The following DCAF17 variants were observed in gnomAD, a reference collection of about 807,000 sequenced individuals.
DCAF17 encodes the protein DDB1- and CUL4-associated factor 17.
In DCAF17, 48 loss-of-function variants were observed where a neutral mutation model predicts 66.0. The ratio of observed to expected loss-of-function variants is 0.73; its 90% CI spans 0.58 to 0.92. The LOEUF (loss-of-function observed/expected upper bound fraction) is 0.92. Among genes scored for constraint, DCAF17 ranks in the 40% least tolerant of loss-of-function variants. The pLI is 0.00. For synonymous variants in DCAF17, 206 were observed against 214.6 expected (o/e 0.96, Z 0.35); for missense variants, 562 against 622.8 (o/e 0.90, Z 1.04).
intron 3 of DCAF17, among the ~76,000 whole-genome samples, chr2:171,448,124 A>G (rs536066406): frequency 1.3e-5 from 2 of 152,270 alleles, no homozygotes; most frequent in Admixed American, 1.3e-4. Context: ...ATGAATGTCT[A>G]TTCTAGCAGA....
chr2:171,472,307 G>A (rs1315038363), intron 9 of DCAF17, among the ~76,000 whole-genome samples: 1 of 152,036 alleles, frequency 6.6e-6, no homozygotes, highest in Non-Finnish European at 1.5e-5. Context: ...AGCCTCCTGA[G>A]TAGCTGGGAT....
intron 2 of DCAF17, among the ~76,000 whole-genome samples, chr2:171,439,337 T>C (rs372408217): frequency 6.6e-6 from 1 of 152,038 alleles, no homozygotes; most frequent in African/African-American, 2.4e-5. Context: ...GAATATTCTG[T>C]TCTACTTTTT....
chr2:171,475,860 A>T (rs1696475509), intron 10 of DCAF17, among the ~76,000 whole-genome samples: 1 of 152,248 alleles, frequency 6.6e-6, no homozygotes, highest in South Asian at 2.1e-4. Flanking sequence ...TATAAGGAAG[A>T]TGAAAGGATT....
At position 171,468,051 on chromosome 2, in the gene DCAF17, G is replaced by A. The variant is rs917997086; in HGVS notation, c.839-837G>A. Among the ~76,000 whole-genome samples, 17 of 152,234 alleles carry A rather than the reference G, an allele frequency of 1.1e-4. 1 individual carries two copies. In the East Asian group the frequency reaches 3.3e-3, roughly 29 times the overall value. On this transcript the variant is annotated intron_variant, in intron 8 of 13. Coordinates refer to ENST00000375255, the MANE Select transcript of DCAF17 (RefSeq NM_025000.4). ...GCCACCTGCCCAAACAGACCATGTG[G>A]TGTTTCCTAAAGGCTGCTTGAAATG...
At chr2:171,471,880 T>G (rs568412550) in intron 9 of DCAF17, among the ~76,000 whole-genome samples, 1 of 152,006 alleles carries the variant, frequency 6.6e-6, no homozygotes, top group South Asian at 2.1e-4. Flanking sequence ...CCAAGTGTGG[T>G]GGTGCACACC....
rs1435646440 is a variant in DCAF17 at position 171,435,117 on chromosome 2, A to G, written c.161A>G (p.His54Arg). 1 of 1,613,108 alleles carries G rather than the reference A, an allele frequency of 6.2e-7. No homozygotes were observed. The highest frequency in any genetic ancestry group is 8.5e-7 in the Non-Finnish European group (1 of 1,179,224). ...STKFKNVWTT[H>R]SRSPIAYERG... ...AAATTTAAGAATGTCTGGACAACTC[A>G]TTCCAGGTCACCTATAGCCTATGAG... The change falls in exon 2 of 14, where the codon CAT becomes CGT. Residue 54 changes from histidine (H) to arginine (R), a missense_variant. By Grantham distance (29) the His-to-Arg change is conservative. Coordinates refer to ENST00000375255, the MANE Select transcript of DCAF17 (RefSeq NM_025000.4).
intron 9 of DCAF17, among the ~76,000 whole-genome samples, chr2:171,471,610 A>G (rs888338818): frequency 6.6e-6 from 1 of 152,198 alleles, no homozygotes; most frequent in East Asian, 1.9e-4. Context: ...TGTAAAATGT[A>G]ATAATACCAC....
chr2:171,469,242 A>G (rs540450815), intron 9 of DCAF17, among the ~76,000 whole-genome samples: 1 of 152,388 alleles, frequency 6.6e-6, no homozygotes, highest in South Asian at 2.1e-4. Flanking sequence ...GAAAATTCTT[A>G]TAGCAACAAG....
Position 171,482,583 on chromosome 2 carries a change from A to G in DCAF17, c.*1469A>G. The G allele has an allele frequency of 6.6e-6, 3 of 454,122 alleles. No individual in the cohort carries two copies. The highest frequency in any genetic ancestry group is 4.7e-5 in the South Asian group (3 of 64,480). 28.1% of individuals were successfully genotyped at this position (454,122 alleles called of 1,614,324 possible). On this transcript the variant is annotated 3_prime_UTR_variant, in exon 14 of 14. Coordinates refer to ENST00000375255, the MANE Select transcript of DCAF17 (RefSeq NM_025000.4). Reference sequence around the variant, plus strand: ...GTTGTGTGAGTTTCAAAGCAGCTGCAATGCTGTGTAAAAGTAGAGTGTTCA... The same window carrying G: ...GTTGTGTGAGTTTCAAAGCAGCTGCGATGCTGTGTAAAAGTAGAGTGTTCA...
intron 10 of DCAF17, among the ~76,000 whole-genome samples, chr2:171,475,236 T>A (rs1403519749): frequency 6.6e-6 from 1 of 152,222 alleles, no homozygotes; most frequent in Non-Finnish European, 1.5e-5. Flanking sequence ...AGACCTTCCC[T>A]GATGCCCTTG....
intron 10 of DCAF17, among the ~76,000 whole-genome samples, chr2:171,476,009 G>A (rs1303978821): frequency 6.6e-6 from 1 of 152,108 alleles, no homozygotes; most frequent in East Asian, 1.9e-4. Context: ...CTTTTGCCAG[G>A]TTTTACAATA....
intron 3 of DCAF17, among the ~76,000 whole-genome samples, chr2:171,447,037 T>C (rs942875512): frequency 6.6e-6 from 1 of 152,146 alleles, no homozygotes; most frequent in Non-Finnish European, 1.5e-5. Flanking sequence ...TCGTAGAGAT[T>C]TCTGACCAAA....
chr2:171,476,832 G>T (rs760296557), intron 10 of DCAF17, 28 bp from the exon 11 acceptor site: 1 of 1,562,780 alleles, frequency 6.4e-7, no homozygotes, highest in East Asian at 2.2e-5. Context: ...GAAGTCTTAG[G>T]TTCTCAGAAT....
intron 6 of DCAF17, among the ~76,000 whole-genome samples, chr2:171,457,346 T>A (rs1335928239): frequency 1.3e-5 from 2 of 152,240 alleles, no homozygotes; most frequent in African/African-American, 2.4e-5. Context: ...TTCCTGTATT[T>A]CCAAGGTAAT....
intron 5 of DCAF17, among the ~76,000 whole-genome samples, chr2:171,452,523 A>C (rs1238563964): frequency 6.6e-6 from 1 of 152,174 alleles, no homozygotes; most frequent in African/African-American, 2.4e-5. Context: ...GCTTGATCAG[A>C]GTTCACTGCA....
In DCAF17 at chr2:171,434,558, A is replaced by AGGGCCCGGCCCGCGCCTCCAT. The variant is rs1165463455; in HGVS notation, c.-12_9dup. 106 of 1,525,180 alleles carry AGGGCCCGGCCCGCGCCTCCAT rather than the reference A, an allele frequency of 6.9e-5. No homozygotes were observed. The highest frequency in any genetic ancestry group is 8.6e-5 in the Non-Finnish European group (98 of 1,141,662). 94.5% of individuals were successfully genotyped at this position (1,525,180 alleles called of 1,614,324 possible). ...CGCCACTCGGCGGCCCAGCCTACCC[A>AGGGCCCGGCCCGCGCCTCCAT]GGGCCCGGCCCGCGCCTCCATGGGC... On this transcript the variant is annotated 5_prime_UTR_variant, in exon 1 of 14. The change creates a new upstream start codon in the 5' untranslated region. Coordinates refer to ENST00000375255, the MANE Select transcript of DCAF17 (RefSeq NM_025000.4).
At chr2:171,439,023 C>T (rs954508930) in intron 2 of DCAF17, among the ~76,000 whole-genome samples, 2 of 152,000 alleles carry the variant, frequency 1.3e-5, no homozygotes, top group African/African-American at 4.8e-5. Flanking sequence ...GCCACCAGAA[C>T]ACTTTAGGTA....
intron 2 of DCAF17, among the ~76,000 whole-genome samples, chr2:171,436,163 T>G (rs1016687372): frequency 6.6e-6 from 1 of 152,260 alleles, no homozygotes; most frequent in Non-Finnish European, 1.5e-5. Context: ...CAGAATTCCT[T>G]TATAAAGTTG....
chr2:171,475,284 C>G (rs768910751), intron 10 of DCAF17, among the ~76,000 whole-genome samples: 5 of 152,198 alleles, frequency 3.3e-5, no homozygotes, highest in Non-Finnish European at 7.3e-5. Context: ...ATTGCACCCA[C>G]TGTGTCGTCT....
Sources: gnomAD v4.1 joint callset for allele counts (sites outside exome capture counted in the v4.1 genomes callset) on GRCh38, gnomAD v4.1.1 for gene constraint, MANE v1.5 for transcripts, NCBI Gene and HGNC (gene_info 2026-07-23, HGNC 2026-07-21) for gene names.